IL1RAPL2: variants seen among roughly 807,000 people sequenced by gnomAD.
IL1RAPL2 encodes the protein X-linked interleukin-1 receptor accessory protein-like 2.
A neutral mutation model predicts 44.1 loss-of-function variants in IL1RAPL2; 3 were observed. That is an observed-to-expected ratio of 0.07 (90% CI 0.03 to 0.18). The LOEUF (loss-of-function observed/expected upper bound fraction) is 0.18. Ranked by LOEUF, IL1RAPL2 falls within the 10% of genes least tolerant of loss-of-function variation. The pLI is 1.00. For synonymous variants in IL1RAPL2, 181 were observed against 178.8 expected, an observed-to-expected ratio of 1.01 and a Z score of -0.10; for missense variants, 391 against 496.4, an observed-to-expected ratio of 0.79 and a Z score of 2.02.
At chrX:104,806,891 C>T (rs1216269873) in intron 2 of IL1RAPL2, among the ~76,000 whole-genome samples, 2 of 111,699 alleles carry the variant, frequency 1.8e-5, no homozygotes, top group African/African-American at 3.3e-5. Flanking sequence ...TAGCATAGTG[C>T]CTGGTCCGGG....
chrX:105,082,793 A>C (rs1317225591), intron 2 of IL1RAPL2, among the ~76,000 whole-genome samples: 1 of 111,556 alleles, frequency 9.0e-6, no homozygotes, highest in Non-Finnish European at 1.9e-5. Flanking sequence ...ACCCCATCCG[A>C]AGGTCACCAA....
intron 2 of IL1RAPL2, among the ~76,000 whole-genome samples, chrX:105,091,434 T>C (rs972942867): frequency 2.7e-5 from 3 of 111,744 alleles, no homozygotes; most frequent in Admixed American, 1.9e-4. Context: ...AGACATTGGC[T>C]ATTAGATGTT....
intron 2 of IL1RAPL2, among the ~76,000 whole-genome samples, chrX:104,677,472 G>A (rs1025961466): frequency 5.4e-5 from 6 of 111,081 alleles, no homozygotes; most frequent in South Asian, 3.8e-4. Flanking sequence ...CTCCAGCTGC[G>A]TGCTGGGAGA....
At chrX:105,031,995 T>C (rs2031509651) in intron 2 of IL1RAPL2, among the ~76,000 whole-genome samples, 1 of 111,486 alleles carries the variant, frequency 9.0e-6, no homozygotes, top group Admixed American at 9.5e-5. Flanking sequence ...TTCTTCGAGA[T>C]TTTCTAGTTT....
chrX:105,764,883 C>T (rs1332950919), intron 10 of IL1RAPL2, among the ~76,000 whole-genome samples: 1 of 111,977 alleles, frequency 8.9e-6, no homozygotes, highest in Non-Finnish European at 1.9e-5. Context: ...CCTAGAGGTA[C>T]ACTTTATGTG....
chrX:105,258,768 A>G (rs2034334597), intron 4 of IL1RAPL2, among the ~76,000 whole-genome samples: 1 of 111,921 alleles, frequency 8.9e-6, no homozygotes, highest in Non-Finnish European at 1.9e-5. Flanking sequence ...TGTGTTATTT[A>G]GCTCTCTCAT....
intron 2 of IL1RAPL2, among the ~76,000 whole-genome samples, chrX:104,824,774 T>C (rs1020188578): frequency 2.7e-5 from 3 of 112,022 alleles, no homozygotes; most frequent in African/African-American, 9.7e-5. Context: ...GATTCTTCTC[T>C]CTTTTCTTCT....
intron 6 of IL1RAPL2, among the ~76,000 whole-genome samples, chrX:105,658,316 C>T (rs780344407): frequency 9.0e-6 from 1 of 111,556 alleles, no homozygotes; most frequent in Non-Finnish European, 1.9e-5. Flanking sequence ...AGCAATACCT[C>T]CACAAGTACG....
intron 2 of IL1RAPL2, among the ~76,000 whole-genome samples, chrX:105,060,588 T>TC (rs1455268780): frequency 7.7e-5 from 8 of 103,579 alleles, no homozygotes; most frequent in African/African-American, 2.9e-4. Flanking sequence ...TCTTTTTCTT[T>TC]TTTTTTTTTT....
intron 5 of IL1RAPL2, among the ~76,000 whole-genome samples, chrX:105,365,963 T>C (rs748127898): frequency 3.8e-4 from 41 of 109,067 alleles, no homozygotes; most frequent in African/African-American, 1.3e-3. Flanking sequence ...TTTTTTTTTT[T>C]TGAAACAGAG....
At chrX:104,946,958 A>G (rs1240352490) in intron 2 of IL1RAPL2, among the ~76,000 whole-genome samples, 1 of 95,607 alleles carries the variant, frequency 1.0e-5, no homozygotes, top group African/African-American at 3.9e-5. Context: ...GTCAAATGGT[A>G]TTTCTAGTTC....
intron 2 of IL1RAPL2, among the ~76,000 whole-genome samples, chrX:104,945,512 C>A (rs1925320321): frequency 1.8e-5 from 2 of 111,292 alleles, no homozygotes; most frequent in Non-Finnish European, 3.8e-5. Flanking sequence ...TTAGCAATCA[C>A]CGCATTATCT....
At chrX:105,204,794 A>C (rs2033747591) in intron 3 of IL1RAPL2, among the ~76,000 whole-genome samples, 1 of 111,846 alleles carries the variant, frequency 8.9e-6, no homozygotes, top group South Asian at 3.8e-4. Context: ...AGGTTCAACC[A>C]GGGGACTCAC....
intron 1 of IL1RAPL2, among the ~76,000 whole-genome samples, chrX:104,632,448 A>T (rs1041673686): frequency 9.0e-6 from 1 of 111,350 alleles, no homozygotes; most frequent in African/African-American, 3.3e-5. Context: ...GGCCATTTTC[A>T]CGATATTGAT....
At chrX:105,398,484 A>ATT (rs1318701703) in intron 5 of IL1RAPL2, among the ~76,000 whole-genome samples, 1 of 109,772 alleles carries the variant, frequency 9.1e-6, no homozygotes, top group Non-Finnish European at 1.9e-5. Flanking sequence ...GATATATTTG[A>ATT]TTTTTTTGTG....
chrX:104,905,420 G>C (rs1327552355), intron 2 of IL1RAPL2, among the ~76,000 whole-genome samples: 1 of 111,271 alleles, frequency 9.0e-6, no homozygotes, highest in Non-Finnish European at 1.9e-5. Flanking sequence ...TTTCTTCTAG[G>C]GTTTTTATGG....
chrX:104,658,955 A>G lies in IL1RAPL2; in HGVS notation c.42A>G (p.Val14=). ...PFLLALVVCS[V]VSTNLKMVSK... is the part of the protein sequence containing the mutation. ...TTTTGGCCCTTGTGGTCTGTTCTGT[A>G]GTCAGCACAAATCTGAAGATGGTGT... is the stretch of plus-strand genomic sequence containing the variant. Residue 14 remains valine, a synonymous_variant, in exon 2 of 11, where the codon GTA becomes GTG. Transcript: ENST00000372582. The G allele has an allele frequency of 8.3e-7, 1 of 1,207,189 alleles. No homozygotes were observed. Among genetic ancestry groups the G allele is most frequent in the Non-Finnish European group, 1.1e-6 (1 of 892,652 alleles).
intron 1 of IL1RAPL2, among the ~76,000 whole-genome samples, chrX:104,624,357 T>C (rs911696251): frequency 9.0e-6 from 1 of 111,028 alleles, no homozygotes; most frequent in Admixed American, 9.7e-5. Context: ...TTACAAATCA[T>C]TAAAAAAAAT....
intron 2 of IL1RAPL2, among the ~76,000 whole-genome samples, chrX:105,169,488 C>G (rs748684897): frequency 7.3e-5 from 2 of 27,272 alleles, no homozygotes; most frequent in Non-Finnish European, 1.1e-4. Context: ...CAGTTTCTTT[C>G]TTTCTTTTTT....
Sources: allele counts gnomAD v4.1 joint callset (sites outside exome capture counted in the v4.1 genomes callset), GRCh38; gene constraint gnomAD v4.1.1; transcripts MANE v1.5; gene names NCBI Gene and HGNC (gene_info 2026-07-23, HGNC 2026-07-21).